Variants in CD160 observed in about 807,000 individuals in gnomAD.
CD160 encodes CD160 molecule, also known as CD160 antigen.
Under a neutral mutation model 19.2 loss-of-function variants are expected in CD160, and 11 were observed. The ratio of observed to expected loss-of-function variants is 0.57; its 90% CI spans 0.36 to 0.95. CD160 has a LOEUF of 0.95. CD160 is among the 40% of genes least tolerant of loss of function. The pLI, the probability that CD160 is intolerant of heterozygous loss-of-function variation, is 0.01. For missense variants in CD160, 182 were observed against 213.2 expected (o/e 0.85, Z 0.91); for synonymous variants, 75 against 81.1 (o/e 0.93, Z 0.40).
rs1334006782 is a variant in CD160 at position 145,728,272 on chromosome 1, A to T, written c.-56A>T. ...TGCTTTTAGGAGACTGAAGCCAAGG[A>T]TACCAGCAGAGCCAACATTTGCTTC... On this transcript the variant is annotated 5_prime_UTR_variant, in exon 3 of 6. Transcript: ENST00000369288. 7.5e-7 allele frequency: 1 copy of T among 1,334,184 alleles called. No homozygotes were observed. Among genetic ancestry groups the T allele is most frequent in the Non-Finnish European group, 1.1e-6 (1 of 932,484 alleles). 82.6% of individuals were successfully genotyped at this position (1,334,184 alleles called of 1,614,324 possible). A position where few individuals can be genotyped will look rare whatever the true frequency, so the allele number is the denominator to read the frequency against.
chr1:145,738,050 T>C (rs1223321043), intron 5 of CD160: 2 of 153,530 alleles, frequency 1.3e-5, no homozygotes, highest in African/African-American at 4.8e-5. Context: ...ACCACATAGG[T>C]CAAGTTATCA....
chr1:145,736,946 T>G (rs1657519500), intron 5 of CD160: 1 of 152,196 alleles, frequency 6.6e-6, no homozygotes, highest in African/African-American at 2.4e-5. Flanking sequence ...ATCCCCTGGT[T>G]ACTCATCAGG....
At chr1:145,736,693 T>C (rs1657510066) in intron 5 of CD160, 1 of 160,940 alleles carries the variant, frequency 6.2e-6, no homozygotes, top group Non-Finnish European at 1.4e-5. Flanking sequence ...ATTCAGGTTT[T>C]TGCCTGGCCT....
intron 5 of CD160, chr1:145,738,167 A>C (rs1261084770): frequency 9.9e-6 from 2 of 201,674 alleles, no homozygotes; most frequent in Admixed American, 6.0e-5. Flanking sequence ...TGTGCCAACA[A>C]TTCAGAGCTA....
chr1:145,728,529 A>C, intron 3 of CD160, 129 bp downstream of exon 3: 1 of 513,836 alleles, frequency 1.9e-6, no homozygotes, highest in Non-Finnish European at 3.3e-6. Context: ...TTTTTGAGGG[A>C]GTCTCGCTCT....
At chr1:145,720,379 C>T (rs782330357) in intron 1 of CD160, among the ~76,000 whole-genome samples, 13 of 152,306 alleles carry the variant, frequency 8.5e-5, no homozygotes, top group Non-Finnish European at 1.9e-4. Context: ...CAAAGAGGTC[C>T]ATGGCGCCTT....
intron 1 of CD160, among the ~76,000 whole-genome samples, chr1:145,723,612 TTTGCTCTG>T (rs1553708066): frequency 1.3e-5 from 2 of 152,026 alleles, no homozygotes; most frequent in African/African-American, 4.8e-5. Flanking sequence ...GCGACAAAGT[TTTGCTCTG>T]TTGCCCAGGC....
At chr1:145,730,713 C>T in intron 3 of CD160, 31 bp from the exon 4 acceptor site, 1 of 1,578,618 alleles carries the variant, frequency 6.3e-7, no homozygotes, top group Non-Finnish European at 8.6e-7. Context: ...TGCTACCTGA[C>T]CTCTGGGTAA....
rs115165091 is a variant in CD160 at position 145,729,311 on chromosome 1, A to G, written c.73+911A>G. On this transcript the variant is annotated intron_variant, in intron 3 of 5. Coordinates refer to ENST00000369288, the MANE Select transcript of CD160 (RefSeq NM_007053.4). ...TTCATGAGAGTGAATTTAGTTTACT[A>G]TGTATACCAAGGGGAGTCTTAAAAG... 1.6e-3 allele frequency among the ~76,000 whole-genome samples: 251 copies of G among 152,204 alleles called. 1 individual carries two copies. Among genetic ancestry groups the G allele is most frequent in the African/African-American group, 5.7e-3 (236 of 41,522 alleles).
rs782557200 is a variant in CD160, at chr1:145,728,359, C to T, written c.32C>T (p.Ala11Val). 9 of 1,613,150 alleles carry T rather than the reference C, an allele frequency of 5.6e-6. No individual in the cohort carries two copies. Among genetic ancestry groups the T allele is most frequent in the African/African-American group, 2.7e-5 (2 of 74,870 alleles). MLLEPGRGCCALAILLAIVDI... is the reference protein window; with the variant it reads MLLEPGRGCCVLAILLAIVDI... ...TTGGAACCCGGCAGAGGCTGCTGTG[C>T]CCTGGCCATCCTGCTGGCAATTGTG... The change falls in exon 3 of 6, where the codon GCC becomes GTC. Residue 11 changes from alanine to valine, a missense_variant. Ala to Val is a moderately conservative substitution (Grantham distance 64). Transcript: ENST00000369288.
chr1:145,722,845 C>T lies in CD160; in HGVS notation c.-178-1956C>T, dbSNP rs587593614. ...TCCTGACCTCGTGATCTGCCCACCT[C>T]GGCCTCCCAAAGTGCTGGGATTACA... On this transcript the variant is annotated intron_variant, in intron 1 of 5. Transcript: ENST00000369288. Among the ~76,000 whole-genome samples the T allele has an allele frequency of 1.1e-4, 16 of 152,210 alleles. 1 individual carries two copies. The highest frequency in any genetic ancestry group is 4.1e-4 in the South Asian group (2 of 4,820).
At chr1:145,726,055 ATAAGT>A (rs1175109806) in intron 2 of CD160, among the ~76,000 whole-genome samples, 1 of 152,208 alleles carries the variant, frequency 6.6e-6, no homozygotes, top group Non-Finnish European at 1.5e-5. Context: ...GACTGAAAAA[ATAAGT>A]TAAAAGATAC....
chr1:145,721,663 A>G (rs1168952143), intron 1 of CD160, among the ~76,000 whole-genome samples: 1 of 152,052 alleles, frequency 6.6e-6, no homozygotes. Context: ...TAGAGAAGGG[A>G]CACGACCTTG....
intron 1 of CD160, among the ~76,000 whole-genome samples, chr1:145,722,604 T>C (rs1656896468): frequency 6.6e-6 from 1 of 152,176 alleles, no homozygotes; most frequent in African/African-American, 2.4e-5. Context: ...TTATTTTTGT[T>C]TTTTCGAGAC....
chr1:145,722,485 T>A (rs932506769), intron 1 of CD160, among the ~76,000 whole-genome samples: 3 of 152,220 alleles, frequency 2.0e-5, no homozygotes, highest in Middle Eastern at 3.2e-3. Context: ...ACATTATAGA[T>A]GCTCCGTGTT....
At chr1:145,729,017 A>C (rs587611453) in intron 3 of CD160, among the ~76,000 whole-genome samples, 1 of 152,122 alleles carries the variant, frequency 6.6e-6, no homozygotes, top group Admixed American at 6.6e-5. Flanking sequence ...CTGTGCCTCA[A>C]TTTGTGTATT....
chr1:145,724,223 C>T (rs1553708134), intron 1 of CD160, among the ~76,000 whole-genome samples: 1 of 152,130 alleles, frequency 6.6e-6, no homozygotes, highest in Non-Finnish European at 1.5e-5. Flanking sequence ...CTTTTTATTG[C>T]ATTTCGTCTT....
rs1553710082 is a variant in CD160 at position 145,736,026 on chromosome 1, A to G, written c.430A>G (p.Lys144Glu). The G allele has an allele frequency of 3.3e-5, 53 of 1,613,696 alleles. No homozygotes were observed. Among genetic ancestry groups the G allele is most frequent in the Non-Finnish European group, 4.4e-5 (52 of 1,179,740 alleles). ...ETGNYTVTGL[K>E]QRQHLEFSHN... is the part of the protein sequence containing the mutation. ...AGGGAACTACACAGTGACGGGATTG[A>G]AACAAAGACAACACCTTGAGTTCAG... Residue 144 changes from lysine (K) to glutamate (E), a missense_variant, in exon 5 of 6, where the codon AAA (lysine) becomes GAA (glutamate). Coordinates refer to ENST00000369288, the MANE Select transcript of CD160 (RefSeq NM_007053.4).
chr1:145,735,615 CA>C (rs1293244655), intron 4 of CD160, among the ~76,000 whole-genome samples: 14 of 151,550 alleles, frequency 9.2e-5, no homozygotes, highest in African/African-American at 2.7e-4. Flanking sequence ...AACAAACAAA[CA>C]AAAAAAACCC....
Sources: gnomAD v4.1 joint callset for allele counts (sites outside exome capture counted in the v4.1 genomes callset) on GRCh38, gnomAD v4.1.1 for gene constraint, MANE v1.5 for transcripts, NCBI Gene and HGNC (gene_info 2026-07-23, HGNC 2026-07-21) for gene names.